The following CCNT1 variants were observed in gnomAD, a reference collection of about 807,000 sequenced individuals.
CCNT1 encodes the protein cyclin T1.
A neutral mutation model predicts 67.3 loss-of-function variants in CCNT1; 18 were observed. The ratio of observed to expected loss-of-function variants is 0.27; its 90% CI spans 0.18 to 0.40. The LOEUF is 0.40. Among genes scored for constraint, CCNT1 ranks in the 10% least tolerant of loss-of-function variants. CCNT1 has a pLI of 1.00. For synonymous variants in CCNT1, 333 were observed against 310.3 expected, an observed-to-expected ratio of 1.07 and a Z score of -0.77; for missense variants, 744 against 884.9, an observed-to-expected ratio of 0.84 and a Z score of 2.02.
At position 48,690,357 on chromosome 12, in the gene CCNT1, T is replaced by C. The variant is rs527358040; in HGVS notation, c.*2676A>G. The C allele has an allele frequency of 1.3e-5, 2 of 152,374 alleles. No homozygotes were observed. The highest frequency in any genetic ancestry group is 4.8e-5 in the African/African-American group (2 of 41,584). The allele number at this position is 152,374 out of a possible 1,614,324, so 9.4% of individuals were successfully genotyped here. A position where few individuals can be genotyped will look rare whatever the true frequency, so the allele number is the denominator to read the frequency against. ...CTAACTTTGGATGTATAAATCTCAT[T>C]TCTCACCCTTTGAAGGTACAAGGAT... On this transcript the variant is annotated 3_prime_UTR_variant, in exon 9 of 9. Transcript: ENST00000261900.
chr12:48,694,123 A>G lies in CCNT1; in HGVS notation c.1091T>C (p.Leu364Ser), dbSNP rs1940131197. ...AAATGCATTTGAACCATCCTGTGGTAAGGAATGATCAACTCCTGTAAGTGC... is the reference window on the plus strand; with the variant it reads ...AAATGCATTTGAACCATCCTGTGGTGAGGAATGATCAACTCCTGTAAGTGC... ...NLALTGVDHS[L>S]PQDGSNAFIS... Residue 364 changes from leucine to serine, a missense_variant, in exon 9 of 9, where the codon TTA becomes TCA. Around this residue, in one of 3 missense-constraint regions of CCNT1, gnomAD observed 564 missense variants for 574.2 expected, o/e 0.98. Coordinates refer to ENST00000261900, the MANE Select transcript of CCNT1 (RefSeq NM_001240.4). 1.2e-6 allele frequency: 2 copies of G among 1,614,094 alleles called. No homozygotes were observed. The highest frequency in any genetic ancestry group is 1.7e-6 in the Non-Finnish European group (2 of 1,180,038).
chr12:48,698,888 G>A (rs984551973), intron 5 of CCNT1, among the ~76,000 whole-genome samples: 3 of 151,840 alleles, frequency 2.0e-5, no homozygotes, highest in Non-Finnish European at 2.9e-5. Context: ...CCCGGGAGGC[G>A]GAGGTTGTGG....
At chr12:48,701,499 C>T (rs1447018657) in intron 3 of CCNT1, among the ~76,000 whole-genome samples, 2 of 151,810 alleles carry the variant, frequency 1.3e-5, no homozygotes, top group Non-Finnish European at 2.9e-5. Context: ...TTATATATGG[C>T]TACAGAAAAA....
intron 3 of CCNT1, among the ~76,000 whole-genome samples, chr12:48,702,219 T>G (rs1332720823): frequency 1.3e-5 from 2 of 152,202 alleles, no homozygotes; most frequent in Non-Finnish European, 2.9e-5. Context: ...TTTTTCAACA[T>G]CACCAAAATA....
intron 2 of CCNT1, among the ~76,000 whole-genome samples, chr12:48,708,015 C>A (rs1199460482): frequency 6.6e-6 from 1 of 152,018 alleles, no homozygotes; most frequent in Non-Finnish European, 1.5e-5. Context: ...TTGAAGTGAG[C>A]CAAGATCATG....
At chr12:48,702,771 C>A (rs1004693121) in intron 3 of CCNT1, among the ~76,000 whole-genome samples, 1 of 151,796 alleles carries the variant, frequency 6.6e-6, no homozygotes, top group African/African-American at 2.4e-5. Flanking sequence ...GAGCTGAGAT[C>A]GCACCACGGC....
Position 48,698,188 on chromosome 12 carries a change from A to T in CCNT1, c.497-5T>A. The T allele has an allele frequency of 1.5e-6, 2 of 1,330,230 alleles. No homozygotes were observed. Among genetic ancestry groups the T allele is most frequent in the Non-Finnish European group, 2.0e-6 (2 of 989,510 alleles). The allele number at this position is 1,330,230 out of a possible 1,614,324, so 82.4% of individuals were successfully genotyped here. A position where few individuals can be genotyped will look rare whatever the true frequency, so the allele number is the denominator to read the frequency against. ...TCTGTGCTAAGTCCTTGCTTGCTAA[A>T]GAAAAAAAAAAAAAGTCAGGGGTGG... On this transcript the variant is annotated splice_polypyrimidine_tract_variant and splice_region_variant and intron_variant, in intron 5 of 8. Coordinates refer to ENST00000261900, the MANE Select transcript of CCNT1 (RefSeq NM_001240.4).
In CCNT1 at chr12:48,692,674, A is replaced by C. The variant is rs1940095073; in HGVS notation, c.*359T>G. 5.3e-6 allele frequency: 1 copy of C among 187,064 alleles called. No individual in the cohort carries two copies. The highest frequency in any genetic ancestry group is 1.1e-5 in the Non-Finnish European group (1 of 89,702). 11.6% of individuals were successfully genotyped at this position (187,064 alleles called of 1,614,324 possible). ...GATATATTAAACACCGAAAGGATCC[A>C]CAATTGTCTGATACAAGAAACCCTC... On this transcript the variant is annotated 3_prime_UTR_variant, in exon 9 of 9. Coordinates refer to ENST00000261900, the MANE Select transcript of CCNT1 (RefSeq NM_001240.4).
Position 48,698,141 on chromosome 12 carries a change from T to C in CCNT1, c.539A>G (p.Asn180Ser). Reference sequence around the variant, plus strand: ...AAAAAAAAATTAAAATATAAACCTGTTGGTTGCCATGAAGTAAGAAGTCTG... The same window carrying C: ...AAAAAAAAATTAAAATATAAACCTGCTGGTTGCCATGAAGTAAGAAGTCTG... ...LAQTSYFMAT[N>S]SLHLTTFSLQ... Residue 180 changes from asparagine (N) to serine (S), a missense_variant, in exon 6 of 9, where the codon AAC becomes AGC. Around this residue, in one of 3 missense-constraint regions of CCNT1, gnomAD observed 142 missense variants for 277.0 expected, o/e 0.51. Coordinates refer to ENST00000261900, the MANE Select transcript of CCNT1 (RefSeq NM_001240.4). 1 of 1,571,606 alleles carries C rather than the reference T, an allele frequency of 6.4e-7. No homozygotes were observed. The highest frequency in any genetic ancestry group is 1.9e-5 in the Admixed American group (1 of 53,912).
At chr12:48,702,228 T>C (rs1391464596) in intron 3 of CCNT1, among the ~76,000 whole-genome samples, 1 of 152,230 alleles carries the variant, frequency 6.6e-6, no homozygotes, top group African/African-American at 2.4e-5. Context: ...ATCACCAAAA[T>C]ACATTTGCAG....
chr12:48,709,453 T>G (rs193002705), intron 2 of CCNT1, among the ~76,000 whole-genome samples: 2 of 152,316 alleles, frequency 1.3e-5, no homozygotes, highest in East Asian at 3.9e-4. Flanking sequence ...ATTAAAATGC[T>G]TATATAAGTG....
chr12:48,699,905 AAGGATAAC>A, intron 4 of CCNT1, 65 bp from the exon 5 acceptor site: 1 of 987,832 alleles, frequency 1.0e-6, no homozygotes, highest in East Asian at 2.5e-5. Flanking sequence ...ATTATTGTAA[AAGGATAAC>A]TGATTGTAAA....
At chr12:48,702,448 G>A (rs1018120480) in intron 3 of CCNT1, among the ~76,000 whole-genome samples, 1 of 152,136 alleles carries the variant, frequency 6.6e-6, no homozygotes, top group African/African-American at 2.4e-5. Context: ...AAATTGAAAC[G>A]TGCTATAACC....
At chr12:48,702,945 A>G (rs1940295030) in intron 3 of CCNT1, among the ~76,000 whole-genome samples, 1 of 151,720 alleles carries the variant, frequency 6.6e-6, no homozygotes, top group African/African-American at 2.4e-5. Flanking sequence ...ACATGGTAAG[A>G]CCCCTATCTC....
At chr12:48,706,710 C>T (rs1447977333) in intron 2 of CCNT1, among the ~76,000 whole-genome samples, 1 of 152,042 alleles carries the variant, frequency 6.6e-6, no homozygotes. Context: ...TGTATTTCAC[C>T]AGGAGTCAAA....
chr12:48,702,195 C>A (rs1423048567), intron 3 of CCNT1, among the ~76,000 whole-genome samples: 1 of 152,226 alleles, frequency 6.6e-6, no homozygotes, highest in Non-Finnish European at 1.5e-5. Flanking sequence ...CCGCGCCTGG[C>A]CATAAAGTAT....
chr12:48,712,036 C>T (rs1293061446), intron 2 of CCNT1, among the ~76,000 whole-genome samples: 3 of 152,068 alleles, frequency 2.0e-5, no homozygotes, highest in Admixed American at 6.6e-5. Context: ...CCTCGTGATC[C>T]GCCCATCTTG....
intron 3 of CCNT1, among the ~76,000 whole-genome samples, chr12:48,701,701 G>C (rs574587433): frequency 6.6e-6 from 1 of 150,624 alleles, no homozygotes; most frequent in Non-Finnish European, 1.5e-5. Flanking sequence ...TCTGCCTCCC[G>C]GTTCAAACAA....
At position 48,703,795 on chromosome 12, in the gene CCNT1, G is replaced by A. The variant is rs1040357689; in HGVS notation, c.372+1973C>T. On this transcript the variant is annotated intron_variant, in intron 3 of 8. Coordinates refer to ENST00000261900, the MANE Select transcript of CCNT1 (RefSeq NM_001240.4). The stretch of plus-strand genomic sequence containing the variant: ...ACAAAAACTAGCTGGGCATGGTGGC[G>A]CACACCTATAGTCCCAGCTACTCGG... Among the ~76,000 whole-genome samples, 14 of 151,046 alleles carry A rather than the reference G, an allele frequency of 9.3e-5. No individual in the cohort carries two copies. The South Asian group carries it at 1.0e-3, about 11-fold the overall frequency.
Sources: allele counts gnomAD v4.1 joint callset (sites outside exome capture counted in the v4.1 genomes callset), GRCh38; gene constraint gnomAD v4.1.1; regional missense constraint gnomAD v4.1.1; transcripts MANE v1.5; gene names NCBI Gene and HGNC (gene_info 2026-07-23, HGNC 2026-07-21).